The following CAST variants were observed in gnomAD, a reference collection of about 807,000 sequenced individuals.
CAST encodes MIR583 host.
CAST carries 76 observed loss-of-function variants against 119.6 expected under a neutral mutation model. That is an observed-to-expected ratio of 0.64 (90% CI 0.53 to 0.77). The LOEUF is 0.77. Among genes scored for constraint, CAST ranks in the 30% least tolerant of loss-of-function variants. The pLI is 0.00. For missense variants in CAST, 953 were observed against 946.5 expected, an observed-to-expected ratio of 1.01 and a Z score of -0.09; for synonymous variants, 319 against 331.6, an observed-to-expected ratio of 0.96 and a Z score of 0.41.
At chr5:95,979,352 G>A in the CAST span, among the ~76,000 whole-genome samples, 12 of 152,040 alleles carry the variant, frequency 7.9e-5, no homozygotes, top group Admixed American at 6.6e-5. Flanking sequence ...CACCTTCCTA[G>A]ACAAAATAAC....
the CAST span, among the ~76,000 whole-genome samples, chr5:96,228,942 T>C: frequency 6.6e-6 from 1 of 152,184 alleles, no homozygotes; most frequent in Non-Finnish European, 1.5e-5. Context: ...ATTCATGTGC[T>C]CTTCCTGGAT....
the CAST span, among the ~76,000 whole-genome samples, chr5:96,234,057 C>T: frequency 6.6e-6 from 1 of 152,106 alleles, no homozygotes; most frequent in East Asian, 1.9e-4. Flanking sequence ...GAAGTGGGCA[C>T]ACACAAACAA....
chr5:96,109,191 C>T, the CAST span, among the ~76,000 whole-genome samples: 17 of 152,332 alleles, frequency 1.1e-4, no homozygotes, highest in South Asian at 4.1e-4. Flanking sequence ...TCTTCTGTGT[C>T]GCTCACACTG....
At chr5:95,976,357 G>C in the CAST span, among the ~76,000 whole-genome samples, 1 of 151,806 alleles carries the variant, frequency 6.6e-6, no homozygotes, top group Non-Finnish European at 1.5e-5. Flanking sequence ...TGTTAGCAAC[G>C]GGGAGTCAGA....
intron 1 of CAST, among the ~76,000 whole-genome samples, chr5:96,540,203 T>C (rs1051809971): frequency 1.1e-4 from 17 of 152,102 alleles, no homozygotes; most frequent in African/African-American, 3.9e-4. Flanking sequence ...ATTTTTTAAA[T>C]ATTTAAATCA....
the CAST span, among the ~76,000 whole-genome samples, chr5:96,461,841 G>C: frequency 6.6e-6 from 1 of 152,122 alleles, no homozygotes; most frequent in Non-Finnish European, 1.5e-5. Flanking sequence ...GCTAAGTGCT[G>C]ATGTACATCA....
At chr5:96,715,645 A>G (rs956672408) in intron 3 of CAST, among the ~76,000 whole-genome samples, 6 of 152,216 alleles carry the variant, frequency 3.9e-5, no homozygotes, top group African/African-American at 1.4e-4. Flanking sequence ...GGAAGATTCT[A>G]TAAGTCCCCA....
the CAST span, among the ~76,000 whole-genome samples, chr5:96,252,242 A>G: frequency 6.6e-6 from 1 of 152,152 alleles, no homozygotes; most frequent in Non-Finnish European, 1.5e-5. Flanking sequence ...GAAAAAGCCT[A>G]AGAATGCATT....
the CAST span, among the ~76,000 whole-genome samples, chr5:96,385,747 GT>G: frequency 2.0e-5 from 3 of 152,290 alleles, no homozygotes; most frequent in South Asian, 4.1e-4. Flanking sequence ...GATTCAAACT[GT>G]CATGTATATT....
chr5:96,325,253 G>A, the CAST span, among the ~76,000 whole-genome samples: 18 of 152,022 alleles, frequency 1.2e-4, no homozygotes, highest in South Asian at 3.7e-3. Context: ...TAAAGCTGAA[G>A]ACTAGAATCT....
the CAST span, among the ~76,000 whole-genome samples, chr5:96,116,022 A>G: frequency 2.0e-5 from 3 of 151,642 alleles, no homozygotes; most frequent in Non-Finnish European, 2.9e-5. Flanking sequence ...GTAGATAGCT[A>G]TTATAACTTT....
the CAST span, among the ~76,000 whole-genome samples, chr5:96,080,052 A>G: frequency 1.3e-5 from 2 of 152,206 alleles, no homozygotes; most frequent in Admixed American, 1.3e-4. Context: ...ATGATCTTGT[A>G]GTGGTTAAAA....
At chr5:96,551,620 T>G (rs1746127597) in intron 1 of CAST, among the ~76,000 whole-genome samples, 1 of 151,498 alleles carries the variant, frequency 6.6e-6, no homozygotes, top group Non-Finnish European at 1.5e-5. Flanking sequence ...AGACAAAGAC[T>G]GGCAAATTGG....
At chr5:96,139,762 G>A in the CAST span, among the ~76,000 whole-genome samples, 6 of 151,712 alleles carry the variant, frequency 4.0e-5, no homozygotes, top group African/African-American at 1.5e-4. Flanking sequence ...TTCTAGGTCC[G>A]ACCATGTTAT....
At chr5:96,523,384 T>C (rs777350304), upstream of CAST, among the ~76,000 whole-genome samples, 10 of 152,248 alleles carry the variant, frequency 6.6e-5, no homozygotes, top group Admixed American at 2.0e-4. Flanking sequence ...TTTCAGACTC[T>C]TCTCATATTG....
At chr5:96,524,575 T>C (rs189271232), upstream of CAST, among the ~76,000 whole-genome samples, 3 of 152,128 alleles carry the variant, frequency 2.0e-5, no homozygotes, top group African/African-American at 4.8e-5. Context: ...AAGTGGGATA[T>C]TGGCCTTGAA....
In CAST at chr5:96,533,648, C is replaced by T. The variant is rs959429185; in HGVS notation, c.60+3768C>T. Among the ~76,000 whole-genome samples the T allele has an allele frequency of 5.3e-5, 8 of 152,160 alleles. No individual in the cohort carries two copies. In the South Asian group the frequency reaches 6.2e-4, roughly 12 times the overall value. On this transcript the variant is annotated intron_variant, in intron 1 of 11. Transcript: ENST00000505143. Reference sequence around the variant, plus strand: ...GCAGTACATGTAGGCTCCAAATTTTCGGCCATGCACTTCCATAGAAAAAAA... The same window carrying T: ...GCAGTACATGTAGGCTCCAAATTTTTGGCCATGCACTTCCATAGAAAAAAA...
the CAST span, among the ~76,000 whole-genome samples, chr5:96,256,581 C>T: frequency 6.6e-6 from 1 of 151,602 alleles, no homozygotes; most frequent in African/African-American, 2.4e-5. Context: ...TGTTACTGTA[C>T]TGAATACTGT....
chr5:96,738,449 T>C (rs994455103), intron 11 of CAST, among the ~76,000 whole-genome samples: 2 of 152,120 alleles, frequency 1.3e-5, no homozygotes, highest in African/African-American at 2.4e-5. Flanking sequence ...CATTATAACA[T>C]TGAGTTAGCA....
Sources: gnomAD v4.1 joint callset for allele counts (sites outside exome capture counted in the v4.1 genomes callset) on GRCh38, gnomAD v4.1.1 for gene constraint, MANE v1.5 for transcripts, NCBI Gene and HGNC (gene_info 2026-07-23, HGNC 2026-07-21) for gene names.